Variants in LRRC37A observed in about 807,000 individuals in gnomAD.
The protein encoded by LRRC37A is leucine rich repeat containing 37A.
Under a neutral mutation model 35.4 loss-of-function variants are expected in LRRC37A, and 3 were observed. The observed-to-expected ratio is 0.08, with a 90% CI of 0.04 to 0.22. The LOEUF is 0.22. Among genes scored for constraint, LRRC37A ranks in the 10% least tolerant of loss-of-function variants. The pLI is 1.00. For missense variants in LRRC37A, 67 were observed against 565.3 expected (o/e 0.12, Z 8.94); for synonymous variants, 23 against 215.0 (o/e 0.11, Z 7.81).
At chr17:46,271,139 A>T in the LRRC37A span, among the ~76,000 whole-genome samples, 4 of 151,500 alleles carry the variant, frequency 2.6e-5, no homozygotes, top group Non-Finnish European at 4.4e-5. Context: ...AAGGGCAAGA[A>T]ATCTGAGACC....
At chr17:46,257,846 A>G in the LRRC37A span, among the ~76,000 whole-genome samples, 1,313 of 151,770 alleles carry the variant, frequency 8.7e-3, 17 homozygotes, top group African/African-American at 0.031. Context: ...GATCCCCAAC[A>G]TTTAGCAGCT....
At chr17:46,269,708 A>T in the LRRC37A span, among the ~76,000 whole-genome samples, 1 of 152,268 alleles carries the variant, frequency 6.6e-6, no homozygotes, top group African/African-American at 2.4e-5. Flanking sequence ...ACTGGCAGCT[A>T]TCCCAATGTG....
intron 7 of LRRC37A, among the ~76,000 whole-genome samples, chr17:46,324,069 C>G (rs2051565200): frequency 8.5e-6 from 1 of 117,848 alleles, no homozygotes; most frequent in South Asian, 3.5e-4. Flanking sequence ...CTTTTTATTG[C>G]TGAGTAGTAT....
At chr17:46,266,357 G>C in the LRRC37A span, among the ~76,000 whole-genome samples, 1 of 152,168 alleles carries the variant, frequency 6.6e-6, no homozygotes, top group Non-Finnish European at 1.5e-5. Flanking sequence ...TTTAGGCTGT[G>C]ATGCTATCCT....
At chr17:46,279,900 C>T in the LRRC37A span, among the ~76,000 whole-genome samples, 7 of 152,124 alleles carry the variant, frequency 4.6e-5, no homozygotes, top group African/African-American at 1.7e-4. Context: ...GTTTTTCTGT[C>T]TTAAACAAAT....
In LRRC37A at chr17:46,302,386, T is replaced by C. The variant is rs1258448148; in HGVS notation, c.2682-252T>C. Among the ~76,000 whole-genome samples, 17 of 60,184 alleles carry C rather than the reference T, an allele frequency of 2.8e-4. 1 individual carries two copies. The highest frequency in any genetic ancestry group is 6.6e-4 in the East Asian group (2 of 3,024). The allele number at this position is 60,184 out of a possible 152,430, so 39.5% of individuals were successfully genotyped here. A position where few individuals can be genotyped will look rare whatever the true frequency, so the allele number is the denominator to read the frequency against. Reference sequence around the variant, plus strand: ...GATCTAGAGAGGAGGCATGAAATAATAGAATTTGGTGGGAAGAAACCCACT... The same window carrying C: ...GATCTAGAGAGGAGGCATGAAATAACAGAATTTGGTGGGAAGAAACCCACT... On this transcript the variant is annotated intron_variant, in intron 2 of 13. Transcript: ENST00000320254.
At chr17:46,275,307 T>C in the LRRC37A span, 10 of 738,508 alleles carry the variant, frequency 1.4e-5, no homozygotes, top group Non-Finnish European at 1.9e-5. Context: ...ACTAAAAAGA[T>C]CTGGCTCCTT....
chr17:46,255,235 C>T, the LRRC37A span, among the ~76,000 whole-genome samples: 1 of 152,130 alleles, frequency 6.6e-6, no homozygotes, highest in Non-Finnish European at 1.5e-5. Context: ...TCTCAATGTG[C>T]TTGGATTACA....
chr17:46,276,951 G>A, the LRRC37A span, among the ~76,000 whole-genome samples: 3 of 151,464 alleles, frequency 2.0e-5, no homozygotes, highest in South Asian at 2.1e-4. Context: ...CTACAGGCAC[G>A]TGCCACCATG....
intron 5 of LRRC37A, among the ~76,000 whole-genome samples, chr17:46,317,312 G>T (rs2051212413): frequency 1.2e-5 from 1 of 81,266 alleles, no homozygotes; most frequent in African/African-American, 3.2e-5. Context: ...GTACAGGTGT[G>T]AGCAACCATG....
chr17:46,260,263 T>C, the LRRC37A span: 4 of 1,525,666 alleles, frequency 2.6e-6, no homozygotes, highest in African/African-American at 5.5e-5. Context: ...CAGCGGGTGG[T>C]TGTGCAGCGG....
intron 5 of LRRC37A, among the ~76,000 whole-genome samples, chr17:46,312,779 A>G (rs202001505): frequency 0.31 from 9,688 of 31,348 alleles, 213 homozygotes; most frequent in East Asian, 0.39. Flanking sequence ...CCAGTCATGT[A>G]GCACTCACAT....
At chr17:46,261,045 T>G in the LRRC37A span, among the ~76,000 whole-genome samples, 1 of 152,072 alleles carries the variant, frequency 6.6e-6, no homozygotes, top group Non-Finnish European at 1.5e-5. Context: ...ACAGTGGACT[T>G]TGGGGAATCA....
upstream of LRRC37A, among the ~76,000 whole-genome samples, chr17:46,291,200 C>T (rs184921086): frequency 5.3e-5 from 8 of 152,300 alleles, no homozygotes; most frequent in South Asian, 4.1e-4. Flanking sequence ...TTTATAACAT[C>T]GTGGGACGGA....
chr17:46,262,110 T>C, the LRRC37A span, among the ~76,000 whole-genome samples: 9 of 152,176 alleles, frequency 5.9e-5, no homozygotes, highest in Non-Finnish European at 1.0e-4. Flanking sequence ...CCATCATACC[T>C]GGTTAATTTT....
At chr17:46,265,393 CTCCTCCTCCT>C in the LRRC37A span, among the ~76,000 whole-genome samples, 2 of 137,490 alleles carry the variant, frequency 1.5e-5, no homozygotes, top group African/African-American at 5.0e-5. Flanking sequence ...TCTCTTCCTT[CTCCTCCTCCT>C]TCCTCCTCCT....
At chr17:46,322,108 TC>T (rs2051419206) in intron 5 of LRRC37A, among the ~76,000 whole-genome samples, 1 of 45,870 alleles carries the variant, frequency 2.2e-5, no homozygotes, top group South Asian at 1.0e-3. Flanking sequence ...TCCTTGTAGT[TC>T]TTCCCCGCGT....
chr17:46,280,569 CTTTTTTTT>C, the LRRC37A span, among the ~76,000 whole-genome samples: 3 of 112,012 alleles, frequency 2.7e-5, no homozygotes, highest in African/African-American at 3.7e-5. Context: ...TGATAGCACA[CTTTTTTTT>C]TTTTTTTTTT....
chr17:46,277,585 A>G, the LRRC37A span, among the ~76,000 whole-genome samples: 2 of 152,104 alleles, frequency 1.3e-5, no homozygotes, highest in Admixed American at 6.6e-5. Context: ...CAGGCTCCCT[A>G]TGATCAATCC....
Sources: allele counts gnomAD v4.1 joint callset (sites outside exome capture counted in the v4.1 genomes callset), GRCh38; gene constraint gnomAD v4.1.1; transcripts MANE v1.5; gene names NCBI Gene and HGNC (gene_info 2026-07-23, HGNC 2026-07-21).